The following TBX15 variants were observed in gnomAD, a reference collection of about 807,000 sequenced individuals.
TBX15 encodes the protein T-box transcription factor 15.
In TBX15, 18 loss-of-function variants were observed where a neutral mutation model predicts 53.9. The observed-to-expected ratio is 0.33, with a 90% CI of 0.23 to 0.49. The LOEUF (loss-of-function observed/expected upper bound fraction) is 0.49, where lower values mean the gene tolerates loss of function less well. Among genes scored for constraint, TBX15 ranks in the 20% least tolerant of loss-of-function variants. The pLI is 0.98. For synonymous variants in TBX15, 295 were observed against 278.0 expected (o/e 1.06, Z -0.61); for missense variants, 692 against 749.5 (o/e 0.92, Z 0.90).
At chr1:118,925,061 T>C (rs1364617638) in intron 3 of TBX15, among the ~76,000 whole-genome samples, 1 of 152,150 alleles carries the variant, frequency 6.6e-6, no homozygotes, top group African/African-American at 2.4e-5. Context: ...TTGTGGTTAA[T>C]GATCAAATCT....
chr1:118,943,730 G>T (rs899770440), intron 1 of TBX15, among the ~76,000 whole-genome samples: 1 of 152,130 alleles, frequency 6.6e-6, no homozygotes, highest in Non-Finnish European at 1.5e-5. Context: ...ACTCCAGATG[G>T]ATAGCCTTGT....
chr1:118,986,193 A>T (rs767131606), intron 1 of TBX15, among the ~76,000 whole-genome samples: 1 of 152,214 alleles, frequency 6.6e-6, no homozygotes, highest in Non-Finnish European at 1.5e-5. Flanking sequence ...TTGACAATAG[A>T]TAAATGAGCT....
At chr1:118,968,744 C>T (rs1657136542) in intron 1 of TBX15, among the ~76,000 whole-genome samples, 1 of 152,120 alleles carries the variant, frequency 6.6e-6, no homozygotes, top group African/African-American at 2.4e-5. Context: ...TGGTGCCCCA[C>T]TTCCCATCTA....
At chr1:118,975,690 G>A (rs1287245165) in intron 1 of TBX15, among the ~76,000 whole-genome samples, 1 of 152,220 alleles carries the variant, frequency 6.6e-6, no homozygotes, top group African/African-American at 2.4e-5. Context: ...CTATTGGGTA[G>A]ATGCAATGAG....
chr1:118,944,086 A>T (rs2101641763), intron 1 of TBX15, among the ~76,000 whole-genome samples: 1 of 152,294 alleles, frequency 6.6e-6, no homozygotes, highest in South Asian at 2.1e-4. Context: ...TTTTATATTT[A>T]CAACTCAACA....
intron 1 of TBX15, among the ~76,000 whole-genome samples, chr1:118,984,471 CA>C (rs1317075545): frequency 6.6e-6 from 1 of 152,236 alleles, no homozygotes; most frequent in African/African-American, 2.4e-5. Context: ...GGTCCGAGCG[CA>C]GATGGCGCCG....
At chr1:118,975,546 G>A (rs375293790) in intron 1 of TBX15, among the ~76,000 whole-genome samples, 13 of 152,168 alleles carry the variant, frequency 8.5e-5, no homozygotes, top group Non-Finnish European at 1.9e-4. Flanking sequence ...CTGGTGCCAC[G>A]CAGGGCTGAG....
At chr1:118,988,702 C>A (rs574811525), upstream of TBX15, among the ~76,000 whole-genome samples, 143 of 152,330 alleles carry the variant, frequency 9.4e-4, no homozygotes, top group African/African-American at 3.2e-3. Context: ...GGGGCTCTGA[C>A]AAAATGTTAA....
intron 1 of TBX15, among the ~76,000 whole-genome samples, chr1:118,978,824 C>T (rs1657528032): frequency 6.6e-6 from 1 of 152,106 alleles, no homozygotes; most frequent in Non-Finnish European, 1.5e-5. Flanking sequence ...ATAGCCCCTC[C>T]CACCCTTTGA....
At position 118,885,382 on chromosome 1, in the gene TBX15, G is replaced by C. The variant is rs771021441; in HGVS notation, c.1159C>G (p.Arg387Gly). ...TTTAGATTACACAGCTGGCTTTCTC[G>C]GCAGCCCACATTGAAAGTGTTGGGG... Reference protein sequence around the residue: ...LAPNTFNVGCRESQLCNLNLS... With the variant: ...LAPNTFNVGCGESQLCNLNLS... Residue 387 changes from arginine (R) to glycine (G), a missense_variant, in exon 8 of 8, where the codon CGA becomes GGA. Transcript: ENST00000369429. 2.5e-6 allele frequency: 4 copies of C among 1,613,794 alleles called. No individual in the cohort carries two copies. Among genetic ancestry groups the C allele is most frequent in the Non-Finnish European group, 2.5e-6 (3 of 1,180,012 alleles).
chr1:118,914,601 G>A (rs80298526), intron 5 of TBX15, among the ~76,000 whole-genome samples: 8,061 of 152,222 alleles, frequency 0.053, 299 homozygotes, highest in Non-Finnish European at 0.082. Context: ...ATTAATAATG[G>A]ACTCAGTCAA....
intron 1 of TBX15, among the ~76,000 whole-genome samples, chr1:118,948,453 G>C (rs1656410750): frequency 6.6e-6 from 1 of 152,212 alleles, no homozygotes; most frequent in Admixed American, 6.5e-5. Context: ...ACCACCAGCA[G>C]AGCTGGCCTT....
At chr1:118,897,271 C>A (rs966365313) in intron 7 of TBX15, among the ~76,000 whole-genome samples, 2 of 152,134 alleles carry the variant, frequency 1.3e-5, no homozygotes, top group South Asian at 2.1e-4. Context: ...TTGAGAGTGG[C>A]TCTGCCCACC....
At chr1:118,888,990 TA>T (rs1368287388) in intron 7 of TBX15, among the ~76,000 whole-genome samples, 1 of 152,126 alleles carries the variant, frequency 6.6e-6, no homozygotes, top group Non-Finnish European at 1.5e-5. Flanking sequence ...AGGCAAATGT[TA>T]AAAAGTTTGT....
intron 6 of TBX15, among the ~76,000 whole-genome samples, chr1:118,902,322 C>T (rs1339192836): frequency 6.6e-6 from 1 of 152,082 alleles, no homozygotes; most frequent in African/African-American, 2.4e-5. Context: ...TGGTGTAGTG[C>T]CATGGCAAGA....
At chr1:118,939,870 C>A (rs898475871) in intron 1 of TBX15, among the ~76,000 whole-genome samples, 1 of 151,744 alleles carries the variant, frequency 6.6e-6, no homozygotes, top group Non-Finnish European at 1.5e-5. Context: ...ACTTTATGTA[C>A]GTTATTATCT....
intron 6 of TBX15, among the ~76,000 whole-genome samples, chr1:118,911,882 C>T (rs1046363786): frequency 6.6e-6 from 1 of 152,168 alleles, no homozygotes; most frequent in African/African-American, 2.4e-5. Context: ...GGACACCATC[C>T]CTATTCACAC....
chr1:118,896,733 G>T (rs1324303761), intron 7 of TBX15, among the ~76,000 whole-genome samples: 1 of 152,118 alleles, frequency 6.6e-6, no homozygotes, highest in African/African-American at 2.4e-5. Flanking sequence ...AAGCAGTTCA[G>T]CATGCATGGC....
rs1653840523 is a variant in TBX15, at chr1:118,884,324, A to T, written c.*408T>A. The T allele has an allele frequency of 4.3e-6, 1 of 234,856 alleles. No homozygotes were observed. 14.5% of individuals were successfully genotyped at this position (234,856 alleles called of 1,614,324 possible). A position where few individuals can be genotyped will look rare whatever the true frequency, so the allele number is the denominator to read the frequency against. On this transcript the variant is annotated 3_prime_UTR_variant, in exon 8 of 8. Coordinates refer to ENST00000369429, the MANE Select transcript of TBX15 (RefSeq NM_001330677.2). ...ATGATTGCATGTGTATGAATTGTGTATGAATATGTATGTGTGTGTGCACGT... is the reference window on the plus strand; with the variant it reads ...ATGATTGCATGTGTATGAATTGTGTTTGAATATGTATGTGTGTGTGCACGT...
Sources: allele counts gnomAD v4.1 joint callset (sites outside exome capture counted in the v4.1 genomes callset), GRCh38; gene constraint gnomAD v4.1.1; transcripts MANE v1.5; gene names NCBI Gene and HGNC (gene_info 2026-07-23, HGNC 2026-07-21).